NPHP1: variants seen among roughly 807,000 people sequenced by gnomAD.
NPHP1 encodes the protein nephrocystin 1, also known as nephrocystin-1.
NPHP1 carries 70 observed loss-of-function variants against 90.4 expected under a neutral mutation model. The ratio of observed to expected loss-of-function variants is 0.77; its 90% confidence interval spans 0.64 to 0.95. NPHP1 has a LOEUF of 0.95. NPHP1 is among the 40% of genes least tolerant of loss of function. The pLI, the probability that NPHP1 is intolerant of heterozygous loss-of-function variation, is 0.00. For synonymous variants in NPHP1, 256 were observed against 271.7 expected (o/e 0.94, Z 0.57); for missense variants, 764 against 795.9 (o/e 0.96, Z 0.48).
chr2:110,184,564 T>A, intron 2 of NPHP1: 1 of 1,316,760 alleles, frequency 7.6e-7, no homozygotes, highest in South Asian at 1.2e-5. Flanking sequence ...GCTGTGCCCA[T>A]CTATCAGGGC....
At chr2:110,195,601 T>C (rs1318432530) in intron 2 of NPHP1, among the ~76,000 whole-genome samples, 2 of 152,154 alleles carry the variant, frequency 1.3e-5, no homozygotes, top group Non-Finnish European at 2.9e-5. Flanking sequence ...ATAGATTCAA[T>C]GCCATCCCCA....
At chr2:110,153,983 C>CAA (rs35010593) in intron 11 of NPHP1, among the ~76,000 whole-genome samples, 100 of 142,554 alleles carry the variant, frequency 7.0e-4, no homozygotes, top group Middle Eastern at 3.5e-3. Flanking sequence ...AACTCCATCT[C>CAA]AAAAAAAAAA....
At chr2:110,131,586 C>G (rs1303333880) in intron 17 of NPHP1, 93 bp downstream of exon 17, 2 of 772,338 alleles carry the variant, frequency 2.6e-6, no homozygotes, top group Non-Finnish European at 4.6e-6. Context: ...CCAAAAGTCA[C>G]AACCAGAAAC....
At chr2:110,186,846 AAAAGAAAG>A (rs59551307) in intron 2 of NPHP1, among the ~76,000 whole-genome samples, 2 of 152,096 alleles carry the variant, frequency 1.3e-5, no homozygotes, top group Non-Finnish European at 1.5e-5. Flanking sequence ...ACATTTAAAA[AAAAGAAAG>A]AAAGAAAGAA....
chr2:110,157,638 A>G (rs928620571), intron 11 of NPHP1, among the ~76,000 whole-genome samples: 6 of 150,226 alleles, frequency 4.0e-5, no homozygotes. Flanking sequence ...CCTATACCCC[A>G]CTCCTCCTCT....
intron 12 of NPHP1, among the ~76,000 whole-genome samples, chr2:110,149,762 A>G (rs1559062342): frequency 6.6e-6 from 1 of 152,158 alleles, no homozygotes; most frequent in Non-Finnish European, 1.5e-5. Context: ...TGCAATGCTG[A>G]CTCAGTGGTT....
chr2:110,164,506 A>C lies in NPHP1; in HGVS notation c.771+182T>G. 1 of 1,280,332 alleles carries C rather than the reference A, an allele frequency of 7.8e-7. No homozygotes were observed. Among genetic ancestry groups the C allele is most frequent in the South Asian group, 1.2e-5 (1 of 82,210 alleles). 79.3% of individuals were successfully genotyped at this position (1,280,332 alleles called of 1,614,324 possible). On this transcript the variant is annotated intron_variant, in intron 8 of 19. Transcript: ENST00000445609. ...TTTGTACAAAAAAAAAAAAAAACTA[A>C]TGAGAAATGTTACTTGGAGCACAGG...
intron 2 of NPHP1, among the ~76,000 whole-genome samples, chr2:110,196,544 A>G (rs953116875): frequency 6.6e-6 from 1 of 152,188 alleles, no homozygotes; most frequent in Non-Finnish European, 1.5e-5. Context: ...GGAAACTTTT[A>G]CACTGTTGGT....
intron 16 of NPHP1, among the ~76,000 whole-genome samples, chr2:110,138,831 T>C (rs977102499): frequency 4.6e-5 from 7 of 152,086 alleles, no homozygotes; most frequent in Non-Finnish European, 7.4e-5. Flanking sequence ...TAGACCTGCC[T>C]GCTTTGCCTG....
In NPHP1 at chr2:110,169,274, TA is replaced by T. The variant is rs1304757683; in HGVS notation, c.522+531del. Reference sequence around the variant, plus strand: ...AGTTACTAAACTTTGAAGTTTAATATAAGAACTAAAATTCATATATTCACTT... The same window carrying T: ...AGTTACTAAACTTTGAAGTTTAATATAGAACTAAAATTCATATATTCACTT... On this transcript the variant is annotated intron_variant, in intron 5 of 19. Transcript: ENST00000445609. 7.2e-5 allele frequency among the ~76,000 whole-genome samples: 11 copies of T among 152,308 alleles called. 1 individual carries two copies. The highest frequency in any genetic ancestry group is 2.6e-4 in the African/African-American group (11 of 41,576).
Position 110,144,853 on chromosome 2 carries a change from C to T in NPHP1, c.1353-284G>A, listed in dbSNP as rs146582797. 2.2e-3 allele frequency among the ~76,000 whole-genome samples: 328 copies of T among 151,918 alleles called. 3 individuals are homozygous for T. Among genetic ancestry groups the T allele is most frequent in the Middle Eastern group, 0.01 (3 of 294 alleles). ...GAGAAAAATTAATTCAAGTCATTAA[C>T]GTGTTCAGACCTTAATGACTTACAT... On this transcript the variant is annotated intron_variant, in intron 14 of 19. Transcript: ENST00000445609.
chr2:110,128,921 C>T, intron 18 of NPHP1: 1 of 491,298 alleles, frequency 2.0e-6, no homozygotes, highest in Non-Finnish European at 3.7e-6. Flanking sequence ...CAATCAGTGG[C>T]CATCCTAAGT....
At position 110,150,300 on chromosome 2, in the gene NPHP1, T is replaced by G. The variant is rs1317270989; in HGVS notation, c.1084-44A>C. ...TTTTGAAATCATGTAAAAAGCTCTT[T>G]GAAATGTCACCATTTCCATGTCCCA... On this transcript the variant is annotated intron_variant, in intron 11 of 19. Transcript: ENST00000445609. The G allele has an allele frequency of 1.9e-6, 3 of 1,568,810 alleles. No homozygotes were observed. In the African/African-American group the frequency reaches 4.1e-5, roughly 21 times the overall value.
chr2:110,201,099 G>A (rs142621921), intron 2 of NPHP1, among the ~76,000 whole-genome samples: 92 of 152,150 alleles, frequency 6.0e-4, no homozygotes, highest in African/African-American at 2.2e-3. Context: ...TCTCATGGGA[G>A]TTAAAGTTGA....
intron 17 of NPHP1, among the ~76,000 whole-genome samples, chr2:110,129,932 T>C (rs1298410480): frequency 1.3e-5 from 2 of 152,150 alleles, no homozygotes; most frequent in African/African-American, 4.8e-5. Context: ...CTGGGTAACA[T>C]AAACAAAATA....
chr2:110,169,913 C>G lies in NPHP1; in HGVS notation c.415G>C (p.Glu139Gln). Residue 139 changes from glutamate (E) to glutamine (Q), a missense_variant, in exon 5 of 20, where the codon GAA (glutamate) becomes CAA (glutamine). Glu to Gln is a conservative substitution (Grantham distance 29). Transcript: ENST00000445609. ...SGGEEEDAEE[E>Q]EEEKEENESH... ...TCATTTTCCTCTTTCTCTTCCTCTTCCTCCTCTGCATCTTCTTCCTCCCCA... is the reference window on the plus strand; with the variant it reads ...TCATTTTCCTCTTTCTCTTCCTCTTGCTCCTCTGCATCTTCTTCCTCCCCA... 1 of 1,609,044 alleles carries G rather than the reference C, an allele frequency of 6.2e-7. No individual in the cohort carries two copies. The highest frequency in any genetic ancestry group is 8.5e-7 in the Non-Finnish European group (1 of 1,175,508).
At chr2:110,170,969 T>C (rs1303505301) in intron 4 of NPHP1, among the ~76,000 whole-genome samples, 1 of 152,098 alleles carries the variant, frequency 6.6e-6, no homozygotes, top group Non-Finnish European at 1.5e-5. Context: ...GCTTTACCTT[T>C]AAAGTCGCCC....
chr2:110,126,361 C>T (rs957800565), intron 18 of NPHP1: 8 of 152,782 alleles, frequency 5.2e-5, no homozygotes, highest in African/African-American at 1.9e-4. Flanking sequence ...TCATGAGTAA[C>T]CTGAAAGCAT....
At chr2:110,138,162 C>T (rs112899463) in intron 16 of NPHP1, among the ~76,000 whole-genome samples, 11 of 139,018 alleles carry the variant, frequency 7.9e-5, no homozygotes, top group African/African-American at 1.8e-4. Context: ...CATCATACAC[C>T]GGGGCCTGTT....
Sources: allele counts gnomAD v4.1 joint callset (sites outside exome capture counted in the v4.1 genomes callset), GRCh38; gene constraint gnomAD v4.1.1; transcripts MANE v1.5; gene names NCBI Gene and HGNC (gene_info 2026-07-23, HGNC 2026-07-21).